VAPA: variants seen among roughly 807,000 people sequenced by gnomAD.
The protein encoded by VAPA is vesicle-associated membrane protein-associated protein A.
In VAPA, 6 loss-of-function variants were observed where a neutral mutation model predicts 25.6. That is an observed-to-expected ratio of 0.23 (90% CI 0.13 to 0.46). VAPA has a LOEUF of 0.46. Among genes scored for constraint, VAPA ranks in the 20% least tolerant of loss-of-function variants. VAPA has a pLI of 0.99. For synonymous variants in VAPA, 112 were observed against 106.2 expected, an observed-to-expected ratio of 1.05 and a Z score of -0.34; for missense variants, 244 against 302.1, an observed-to-expected ratio of 0.81 and a Z score of 1.43.
chr18:9,924,339 C>G (rs1436098087), intron 1 of VAPA, among the ~76,000 whole-genome samples: 1 of 152,146 alleles, frequency 6.6e-6, no homozygotes, highest in African/African-American at 2.4e-5. Flanking sequence ...AAGTAGCATG[C>G]ACTAATTTCA....
At chr18:9,921,703 T>C (rs1035123334) in intron 1 of VAPA, among the ~76,000 whole-genome samples, 2 of 152,238 alleles carry the variant, frequency 1.3e-5, no homozygotes, top group African/African-American at 4.8e-5. Context: ...TCTTGCTCTC[T>C]TTTGATCATA....
intron 4 of VAPA, among the ~76,000 whole-genome samples, chr18:9,943,067 A>G (rs1305477076): frequency 3.3e-5 from 5 of 152,152 alleles, no homozygotes; most frequent in Non-Finnish European, 7.4e-5. Flanking sequence ...TGATTTCTTT[A>G]GACTTTTTAG....
Position 9,914,226 on chromosome 18 carries a change from G to A in VAPA, c.-31G>A. On this transcript the variant is annotated 5_prime_UTR_variant, in exon 1 of 6. Coordinates refer to ENST00000400000, the MANE Select transcript of VAPA (RefSeq NM_194434.3). Reference sequence around the variant, plus strand: ...CCCCCAGTCAGCAAACCGCCGCCGCGGGCGCGCCCCCGCTCTGCGCTGTCT... The same window carrying A: ...CCCCCAGTCAGCAAACCGCCGCCGCAGGCGCGCCCCCGCTCTGCGCTGTCT... 1 of 1,560,852 alleles carries A rather than the reference G, an allele frequency of 6.4e-7. No homozygotes were observed. The highest frequency in any genetic ancestry group is 2.6e-5 in the East Asian group (1 of 37,954).
In VAPA at chr18:9,931,770, A is replaced by G. The variant is rs560818454; in HGVS notation, c.80-40A>G. The G allele has an allele frequency of 5.2e-6, 8 of 1,547,728 alleles. No homozygotes were observed. In the African/African-American group the frequency reaches 9.6e-5, roughly 19 times the overall value. ...TTGAATCCTTCGTTGTTGAGAATCC[A>G]ATTAAATTTTGTTTTCTCTTTAATT... On this transcript the variant is annotated intron_variant, in intron 1 of 5. Coordinates refer to ENST00000400000, the MANE Select transcript of VAPA (RefSeq NM_194434.3).
chr18:9,937,394 C>T (rs1046115121), intron 4 of VAPA, among the ~76,000 whole-genome samples: 1 of 152,030 alleles, frequency 6.6e-6, no homozygotes, highest in Middle Eastern at 3.2e-3. Flanking sequence ...TTTAAAAATA[C>T]ATATAAATTG....
rs2069207092 is a variant in VAPA, at chr18:9,927,147, A to G, written c.80-4663A>G. Among the ~76,000 whole-genome samples the G allele has an allele frequency of 2.6e-5, 4 of 152,142 alleles. No individual in the cohort carries two copies. In the South Asian group the frequency reaches 8.3e-4, roughly 31 times the overall value. ...TACTGAGATGTTCAGGAGTGACTAT[A>G]TTGGTGTCTTCAGCTTAGTTTGATG... On this transcript the variant is annotated intron_variant, in intron 1 of 5. Transcript: ENST00000400000.
chr18:9,932,333 T>C (rs537488499), intron 2 of VAPA, among the ~76,000 whole-genome samples: 18 of 152,334 alleles, frequency 1.2e-4, no homozygotes, highest in Admixed American at 2.0e-4. Context: ...TATAGAAGTG[T>C]CATAATTCTT....
At chr18:9,933,016 A>T (rs1345217383) in intron 2 of VAPA, among the ~76,000 whole-genome samples, 1 of 151,946 alleles carries the variant, frequency 6.6e-6, no homozygotes, top group Non-Finnish European at 1.5e-5. Flanking sequence ...GCTGAGGCAG[A>T]GAATTGCTTA....
chr18:9,928,332 T>C (rs1295440009), intron 1 of VAPA, among the ~76,000 whole-genome samples: 1 of 152,158 alleles, frequency 6.6e-6, no homozygotes, highest in East Asian at 1.9e-4. Flanking sequence ...AAAAGATATA[T>C]ACAGTTCAAG....
At chr18:9,939,529 T>C (rs1415735241) in intron 4 of VAPA, among the ~76,000 whole-genome samples, 1 of 152,020 alleles carries the variant, frequency 6.6e-6, no homozygotes, top group East Asian at 1.9e-4. Context: ...TTTTTTTTTT[T>C]TTTTTGCAAA....
rs67030625 is a variant in VAPA, at chr18:9,947,138, G to A, written c.418-3257G>A. ...AGTGTCTTCTGGAATACCTCCTGAA[G>A]GACCTGCTGGAGTCTGACTTAGAGT... On this transcript the variant is annotated intron_variant, in intron 4 of 5. Transcript: ENST00000400000. Among the ~76,000 whole-genome samples, 258 of 152,266 alleles carry A rather than the reference G, an allele frequency of 1.7e-3. 1 individual carries two copies. Among genetic ancestry groups the A allele is most frequent in the Non-Finnish European group, 3.0e-3 (207 of 68,028 alleles).
intron 1 of VAPA, among the ~76,000 whole-genome samples, chr18:9,918,728 A>G (rs1309886588): frequency 6.6e-6 from 1 of 152,126 alleles, no homozygotes; most frequent in Non-Finnish European, 1.5e-5. Flanking sequence ...TGCTCTCTGC[A>G]GGTATTGCTA....
Position 9,914,134 on chromosome 18 carries a change from G to T in VAPA, c.-123G>T. 3 of 804,334 alleles carry T rather than the reference G, an allele frequency of 3.7e-6. No homozygotes were observed. Among genetic ancestry groups the T allele is most frequent in the Non-Finnish European group, 3.7e-6 (2 of 535,856 alleles). The allele number at this position is 804,334 out of a possible 1,614,324, so 49.8% of individuals were successfully genotyped here. A position where few individuals can be genotyped will look rare whatever the true frequency, so the allele number is the denominator to read the frequency against. On this transcript the variant is annotated 5_prime_UTR_variant, in exon 1 of 6. Coordinates refer to ENST00000400000, the MANE Select transcript of VAPA (RefSeq NM_194434.3). ...CCGGTGACACAGCGGCAGGCGTTAG[G>T]GCTCGGGAGCCGCGAGCCTGGCCTC...
chr18:9,917,812 G>A (rs2069124670), intron 1 of VAPA, among the ~76,000 whole-genome samples: 1 of 151,962 alleles, frequency 6.6e-6, no homozygotes, highest in African/African-American at 2.4e-5. Context: ...CGGGGCGGGG[G>A]GGAAATTAGA....
chr18:9,946,387 G>A (rs760181669), intron 4 of VAPA, among the ~76,000 whole-genome samples: 15 of 152,102 alleles, frequency 9.9e-5, no homozygotes, highest in Non-Finnish European at 1.8e-4. Flanking sequence ...TGCAGCCTGC[G>A]GCCCACACGT....
At chr18:9,948,317 G>A (rs1034691571) in intron 4 of VAPA, 3 of 152,188 alleles carry the variant, frequency 2.0e-5, no homozygotes, top group Non-Finnish European at 2.9e-5. Flanking sequence ...ATGGAAAGCT[G>A]CCCATCAAAT....
At chr18:9,921,771 G>C (rs1378674323) in intron 1 of VAPA, among the ~76,000 whole-genome samples, 1 of 152,088 alleles carries the variant, frequency 6.6e-6, no homozygotes, top group Non-Finnish European at 1.5e-5. Context: ...GCAAATGCTT[G>C]TTTACTGGTT....
rs1314196461 is a variant in VAPA, at chr18:9,955,374, T to C, written c.*1163T>C. On this transcript the variant is annotated 3_prime_UTR_variant, in exon 6 of 6. Coordinates refer to ENST00000400000, the MANE Select transcript of VAPA (RefSeq NM_194434.3). ...TTTTAGCCTTTGCAAATGTTAACCATGTGAAACACATTTTCAGTATAAGTA... is the reference window on the plus strand; with the variant it reads ...TTTTAGCCTTTGCAAATGTTAACCACGTGAAACACATTTTCAGTATAAGTA... 3 of 152,232 alleles carry C rather than the reference T, an allele frequency of 2.0e-5. No homozygotes were observed. The highest frequency in any genetic ancestry group is 2.9e-5 in the Non-Finnish European group (2 of 68,030). The allele number at this position is 152,232 out of a possible 1,614,324, so 9.4% of individuals were successfully genotyped here. A position where few individuals can be genotyped will look rare whatever the true frequency, so the allele number is the denominator to read the frequency against.
In VAPA at chr18:9,955,748, T is replaced by G. The variant is rs1239119412; in HGVS notation, c.*1537T>G. ...TTGTCAGATCACACATATATTGTGT[T>G]ATTGGGCGCTGTGGTATCTTTTATA... On this transcript the variant is annotated 3_prime_UTR_variant, in exon 6 of 6. Transcript: ENST00000400000. 3 of 152,212 alleles carry G rather than the reference T, an allele frequency of 2.0e-5. No individual in the cohort carries two copies. Among genetic ancestry groups the G allele is most frequent in the Non-Finnish European group, 4.4e-5 (3 of 68,026 alleles). 9.4% of individuals were successfully genotyped at this position (152,212 alleles called of 1,614,324 possible). A position where few individuals can be genotyped will look rare whatever the true frequency, so the allele number is the denominator to read the frequency against.
Sources: allele counts gnomAD v4.1 joint callset (sites outside exome capture counted in the v4.1 genomes callset), GRCh38; gene constraint gnomAD v4.1.1; transcripts MANE v1.5; gene names NCBI Gene and HGNC (gene_info 2026-07-23, HGNC 2026-07-21).